TTC5: variants seen among roughly 807,000 people sequenced by gnomAD.
The protein encoded by TTC5 is tetratricopeptide repeat protein 5.
In TTC5, 46 loss-of-function variants were observed where a neutral mutation model predicts 57.4. That is an observed-to-expected ratio of 0.80 (90% CI 0.63 to 1.03). TTC5 has a LOEUF of 1.03. TTC5 is among the 50% of genes least tolerant of loss of function. The probability of loss-of-function intolerance (pLI) is 0.00; values close to 1 mark genes in which losing one functional copy is unlikely to be tolerated. For synonymous variants in TTC5, 190 were observed against 203.5 expected, an observed-to-expected ratio of 0.93 and a Z score of 0.57; for missense variants, 504 against 528.1, an observed-to-expected ratio of 0.95 and a Z score of 0.45.
intron 7 of TTC5, 83 bp downstream of exon 7, chr14:20,295,625 G>A (rs531855795): frequency 2.0e-4 from 308 of 1,544,270 alleles, no homozygotes; most frequent in Non-Finnish European, 2.5e-4. Flanking sequence ...TCTCTACCTC[G>A]TAAACCTATT....
chr14:20,305,552 G>C (rs1470201907), intron 1 of TTC5: 6 of 339,514 alleles, frequency 1.8e-5, no homozygotes, highest in South Asian at 5.1e-5. Context: ...ACATGTGACA[G>C]TAGTTCATGC....
Position 20,286,783 on chromosome 14 carries a change from C to T in TTC5, c.*2844G>A, listed in dbSNP as rs1034777041. On this transcript the variant is annotated 3_prime_UTR_variant, in exon 10 of 10. Transcript: ENST00000258821. ...CAGGATAAAACTGTATGTAGACAAA[C>T]GATTAGTACAGGGAATATATAAATC... 1 of 149,942 alleles carries T rather than the reference C, an allele frequency of 6.7e-6. No individual in the cohort carries two copies. The highest frequency in any genetic ancestry group is 2.4e-5 in the African/African-American group (1 of 40,888). The allele number at this position is 149,942 out of a possible 1,614,324, so 9.3% of individuals were successfully genotyped here. A position where few individuals can be genotyped will look rare whatever the true frequency, so the allele number is the denominator to read the frequency against.
At chr14:20,294,056 T>C (rs1185530817) in intron 8 of TTC5, 1 of 152,274 alleles carries the variant, frequency 6.6e-6, no homozygotes, top group Non-Finnish European at 1.5e-5. Flanking sequence ...ATCACACTCA[T>C]GCCATCACGT....
chr14:20,299,216 C>T, intron 4 of TTC5, 82 bp downstream of exon 4: 3 of 1,491,884 alleles, frequency 2.0e-6, no homozygotes, highest in Non-Finnish European at 2.7e-6. Flanking sequence ...CAGAATCACA[C>T]TCAAAAGAGG....
intron 8 of TTC5, chr14:20,292,844 A>C (rs1289174195): frequency 1.3e-5 from 2 of 152,220 alleles, no homozygotes; most frequent in African/African-American, 4.8e-5. Flanking sequence ...TGAATCTTAA[A>C]GGGTAAAAAA....
chr14:20,304,257 A>C lies in TTC5; in HGVS notation c.51+1630T>G, dbSNP rs180773748. On this transcript the variant is annotated intron_variant, in intron 1 of 9. Transcript: ENST00000258821. Reference sequence around the variant, plus strand: ...TAACTATCCCTGTTCTAACAAATACATATGTGCTATACTTAATTTAAAATC... The same window carrying C: ...TAACTATCCCTGTTCTAACAAATACCTATGTGCTATACTTAATTTAAAATC... Among the ~76,000 whole-genome samples, 10 of 152,358 alleles carry C rather than the reference A, an allele frequency of 6.6e-5. No homozygotes were observed. In the East Asian group the frequency reaches 1.9e-3, roughly 29 times the overall value.
At chr14:20,300,522 G>C in intron 3 of TTC5, 85 bp downstream of exon 3, 1 of 1,184,478 alleles carries the variant, frequency 8.4e-7, no homozygotes, top group Non-Finnish European at 1.2e-6. Flanking sequence ...TTCTACTCTG[G>C]TATTCATGTC....
rs938207894 is a variant in TTC5, at chr14:20,298,844, G to C, written c.592C>G (p.Gln198Glu). 6.2e-7 allele frequency: 1 copy of C among 1,613,920 alleles called. No homozygotes were observed. Among genetic ancestry groups the C allele is most frequent in the Admixed American group, 1.7e-5 (1 of 60,008 alleles). Residue 198 changes from glutamine (Q) to glutamate (E), a missense_variant, in exon 5 of 10, where the codon CAG becomes GAG. Transcript: ENST00000258821. ...SYLSLYFSTG[Q>E]NPKISQQALS... is the part of the protein sequence containing the mutation. ...GCTTGCTGGGAGATCTTAGGGTTCT[G>C]GCCAGTAGAGAAGTAAAGGGAAAGA... is the stretch of plus-strand genomic sequence containing the variant.
At position 20,295,771 on chromosome 14, in the gene TTC5, G is replaced by C; in HGVS notation, c.780C>G (p.Pro260=). 1 of 1,614,072 alleles carries C rather than the reference G, an allele frequency of 6.2e-7. No individual in the cohort carries two copies. Among genetic ancestry groups the C allele is most frequent in the Non-Finnish European group, 8.5e-7 (1 of 1,179,998 alleles). ...CCAGAAGTTGTTGCTCTCGTTGCCG[G>C]GGCTCTGGCCAGGCAGGGTCCAGGG... ...AAALDPAWPE[P]RQREQQLLEF... Residue 260 remains proline, a synonymous_variant, in exon 7 of 10, where the codon CCC becomes CCG. Coordinates refer to ENST00000258821, the MANE Select transcript of TTC5 (RefSeq NM_138376.3).
At chr14:20,304,037 T>A (rs1882242745) in intron 1 of TTC5, among the ~76,000 whole-genome samples, 1 of 152,242 alleles carries the variant, frequency 6.6e-6, no homozygotes, top group Non-Finnish European at 1.5e-5. Flanking sequence ...TATATCATAC[T>A]CTTATTTTTC....
chr14:20,296,654 G>C (rs985544840), intron 5 of TTC5, among the ~76,000 whole-genome samples: 1 of 152,166 alleles, frequency 6.6e-6, no homozygotes, highest in South Asian at 2.1e-4. Context: ...GTATGTGTGA[G>C]ACTTCAAAAT....
intron 1 of TTC5, among the ~76,000 whole-genome samples, chr14:20,303,583 T>C (rs1004078427): frequency 6.6e-6 from 1 of 152,232 alleles, no homozygotes; most frequent in Non-Finnish European, 1.5e-5. Context: ...GCTTCATTAC[T>C]TGCCTGGACT....
chr14:20,290,380 G>GTAAATT (rs1255234772), intron 9 of TTC5, among the ~76,000 whole-genome samples: 1 of 152,100 alleles, frequency 6.6e-6, no homozygotes, highest in East Asian at 1.9e-4. Context: ...TCCAAGTAAA[G>GTAAATT]TAAATTTAAA....
At chr14:20,291,874 G>T in intron 9 of TTC5, 109 bp downstream of exon 9, 1 of 943,492 alleles carries the variant, frequency 1.1e-6, no homozygotes, top group Non-Finnish European at 1.4e-6. Context: ...TATACACATA[G>T]CCTACACACA....
chr14:20,289,540 C>A lies in TTC5; in HGVS notation c.*87G>T. The A allele has an allele frequency of 6.8e-7, 1 of 1,480,504 alleles. No homozygotes were observed. The highest frequency in any genetic ancestry group is 9.1e-7 in the Non-Finnish European group (1 of 1,102,752). The allele number at this position is 1,480,504 out of a possible 1,614,324, so 91.7% of individuals were successfully genotyped here. A position where few individuals can be genotyped will look rare whatever the true frequency, so the allele number is the denominator to read the frequency against. On this transcript the variant is annotated 3_prime_UTR_variant, in exon 10 of 10. Transcript: ENST00000258821. The stretch of plus-strand genomic sequence containing the variant: ...CTTCATTTAAAACATTCCTCCCATC[C>A]CTGCTGAATCACTGGATGTGGCTGG...
chr14:20,296,070 A>C (rs1255268331), intron 6 of TTC5, among the ~76,000 whole-genome samples: 2 of 152,228 alleles, frequency 1.3e-5, no homozygotes, highest in African/African-American at 4.8e-5. Context: ...CAAAGAAGCT[A>C]ATTTCCAAAC....
At chr14:20,290,067 C>G (rs535429244) in intron 9 of TTC5, among the ~76,000 whole-genome samples, 3 of 152,198 alleles carry the variant, frequency 2.0e-5, no homozygotes, top group African/African-American at 4.8e-5. Context: ...TCTGCCTTTT[C>G]CCACGGTGTT....
At chr14:20,299,022 C>A in intron 4 of TTC5, 134 bp from the exon 5 acceptor site, 2 of 759,264 alleles carry the variant, frequency 2.6e-6, no homozygotes, top group Admixed American at 2.4e-5. Context: ...ACTTAGTATA[C>A]CCAAAACTCC....
chr14:20,300,131 C>T (rs117954681), intron 3 of TTC5, among the ~76,000 whole-genome samples: 4,073 of 69,820 alleles, frequency 0.058, 126 homozygotes, highest in East Asian at 0.2. Context: ...TGAGTCACCA[C>T]GTCTGGTCCA....
Sources: gnomAD v4.1 joint callset for allele counts (sites outside exome capture counted in the v4.1 genomes callset) on GRCh38, gnomAD v4.1.1 for gene constraint, MANE v1.5 for transcripts, NCBI Gene and HGNC (gene_info 2026-07-23, HGNC 2026-07-21) for gene names.